The following LRP4 variants were observed in gnomAD, a reference collection of about 807,000 sequenced individuals.
The protein encoded by LRP4 is low-density lipoprotein receptor-related protein 4.
Under a neutral mutation model 220.3 loss-of-function variants are expected in LRP4, and 95 were observed. The observed-to-expected ratio is 0.43, with a 90% CI of 0.37 to 0.51. LRP4 has a LOEUF of 0.51. Ranked by LOEUF, LRP4 falls within the 20% of genes least tolerant of loss-of-function variation. LRP4 has a pLI of 0.00. For missense variants in LRP4, 1,925 were observed against 2,567.0 expected, an observed-to-expected ratio of 0.75 and a Z score of 5.40; for synonymous variants, 903 against 954.6, an observed-to-expected ratio of 0.95 and a Z score of 1.00.
chr11:46,886,859 C>T (rs1941304707), intron 16 of LRP4, among the ~76,000 whole-genome samples: 1 of 152,182 alleles, frequency 6.6e-6, no homozygotes, highest in African/African-American at 2.4e-5. Context: ...AACCCCTGAC[C>T]CCTACTTCCC....
chr11:46,876,765 G>T lies in LRP4; in HGVS notation c.3343C>A (p.His1115Asn), dbSNP rs1941032102. 1 of 1,614,014 alleles carries T rather than the reference G, an allele frequency of 6.2e-7. No individual in the cohort carries two copies. The highest frequency in any genetic ancestry group is 1.3e-5 in the African/African-American group (1 of 74,938). ...CCACCTGTGGTGATGATGTCCTCATGCTGTGAGCCATCCAGATTGGCACGA... is the reference window on the plus strand; with the variant it reads ...CCACCTGTGGTGATGATGTCCTCATTCTGTGAGCCATCCAGATTGGCACGA... Reference protein sequence around the residue: ...ISRANLDGSQHEDIITTGLQT... With the variant: ...ISRANLDGSQNEDIITTGLQT... The change falls in exon 24 of 38, where the codon CAT (histidine) becomes AAT (asparagine). Residue 1115 changes from histidine to asparagine, a missense_variant. Transcript: ENST00000378623.
In LRP4 at chr11:46,886,491, C is replaced by T. The variant is rs1188192419; in HGVS notation, c.2258G>A (p.Arg753His). 4 of 1,613,996 alleles carry T rather than the reference C, an allele frequency of 2.5e-6. No individual in the cohort carries two copies. In the Admixed American group the frequency reaches 5.0e-5, roughly 20 times the overall value. ...FLLFARRMDI[R>H]RISFDTEDLS... Reference sequence around the variant, plus strand: ...GTCCTCTGTGTCAAAGCTGATTCGACGGATGTCCATCCTTCGGGCAAAAAG... The same window carrying T: ...GTCCTCTGTGTCAAAGCTGATTCGATGGATGTCCATCCTTCGGGCAAAAAG... Residue 753 changes from arginine to histidine, a missense_variant, in exon 17 of 38, where the codon CGT becomes CAT. By Grantham distance (29) the Arg-to-His change is conservative. Around this residue, in one of 3 missense-constraint regions of LRP4, gnomAD observed 1,244 missense variants for 1,624.9 expected, o/e 0.77. Transcript: ENST00000378623.
At chr11:46,884,916 T>C (rs1941251096) in intron 18 of LRP4, among the ~76,000 whole-genome samples, 1 of 151,804 alleles carries the variant, frequency 6.6e-6, no homozygotes, top group South Asian at 2.1e-4. Context: ...CATCTCAAAA[T>C]TTAAAAAAGA....
At position 46,873,144 on chromosome 11, in the gene LRP4, G is replaced by C. The variant is rs1940914216; in HGVS notation, c.4539C>G (p.Asp1513Glu). Reference sequence around the variant, plus strand: ...GGGTAAGGCCATTGGGCCAACCCAGGTCTGTGTTGATGAGGACCTTCCGCT... The same window carrying C: ...GGGTAAGGCCATTGGGCCAACCCAGCTCTGTGTTGATGAGGACCTTCCGCT... ...GSERKVLINT[D>E]LGWPNGLTLD... Residue 1513 changes from aspartate to glutamate, a missense_variant, in exon 30 of 38, where the codon GAC becomes GAG. Transcript: ENST00000378623. This position sits in a 1 kb window ranked among gnomAD's most constrained non-coding sequence, Gnocchi z 4.2. 1.2e-6 allele frequency: 2 copies of C among 1,614,188 alleles called. No individual in the cohort carries two copies. The highest frequency in any genetic ancestry group is 4.5e-5 in the East Asian group (2 of 44,886).
chr11:46,884,114 A>G, intron 18 of LRP4, 138 bp from the exon 19 acceptor site: 1 of 703,558 alleles, frequency 1.4e-6, no homozygotes, highest in Non-Finnish European at 2.6e-6. Context: ...CAGATGCACA[A>G]CGGAAATTTA....
intron 2 of LRP4, among the ~76,000 whole-genome samples, chr11:46,901,618 G>A (rs988047617): frequency 1.3e-5 from 2 of 152,256 alleles, no homozygotes; most frequent in South Asian, 2.1e-4. Context: ...CAGAGATTGC[G>A]CCTCTAATCC....
At chr11:46,897,217 T>C (rs1941551660) in intron 7 of LRP4, among the ~76,000 whole-genome samples, 1 of 152,222 alleles carries the variant, frequency 6.6e-6, no homozygotes, top group Non-Finnish European at 1.5e-5. Flanking sequence ...ATAAATCTAT[T>C]ATGTGACTGG....
chr11:46,876,123 T>G (rs1475533747), intron 25 of LRP4, among the ~76,000 whole-genome samples, 157 bp from the exon 26 acceptor site: 1 of 152,218 alleles, frequency 6.6e-6, no homozygotes, highest in Non-Finnish European at 1.5e-5. Context: ...TTCATGTGCA[T>G]TATCTCAACC....
intron 1 of LRP4, among the ~76,000 whole-genome samples, chr11:46,913,390 C>A (rs74985897): frequency 0.02 from 3,037 of 152,188 alleles, 97 homozygotes; most frequent in African/African-American, 0.07. Flanking sequence ...ATCACTGGCA[C>A]CAACTTAAAA....
intron 36 of LRP4, among the ~76,000 whole-genome samples, chr11:46,863,584 CA>C (rs55744712): frequency 0.037 from 1,998 of 54,132 alleles, 22 homozygotes; most frequent in East Asian, 0.13. Context: ...ACTAAAAATA[CA>C]AAAAAAAAAA....
At chr11:46,881,628 T>C (rs756743945) in intron 20 of LRP4, 74 bp downstream of exon 20, 3 of 1,436,988 alleles carry the variant, frequency 2.1e-6, no homozygotes, top group Non-Finnish European at 2.9e-6. Flanking sequence ...CAAAAAGTAC[T>C]GTCCTGGAGG....
At chr11:46,909,590 C>T (rs561685480) in intron 1 of LRP4, among the ~76,000 whole-genome samples, 2,116 of 97,502 alleles carry the variant, frequency 0.022, 83 homozygotes, top group African/African-American at 0.082. Context: ...CCGGCCTGGG[C>T]GACAGAGCGA....
Position 46,875,801 on chromosome 11 carries a change from C to G in LRP4, c.3699+3G>C, listed in dbSNP as rs1442885513. 4 of 1,614,124 alleles carry G rather than the reference C, an allele frequency of 2.5e-6. No homozygotes were observed. The highest frequency in any genetic ancestry group is 3.4e-6 in the Non-Finnish European group (4 of 1,180,028). The stretch of plus-strand genomic sequence containing the variant: ...TGGGAAGCAGCAGGGACACGGCTCT[C>G]ACCTCGGTGTGGGCATCGGCCCATA... On this transcript the variant is annotated splice_donor_region_variant and intron_variant, in intron 26 of 37. Coordinates refer to ENST00000378623, the MANE Select transcript of LRP4 (RefSeq NM_002334.4). This position sits in a 1 kb window ranked among gnomAD's most constrained non-coding sequence, Gnocchi z 4.5.
Position 46,890,708 on chromosome 11 carries a change from CAGA to C in LRP4, c.1698-217_1698-215del, listed in dbSNP as rs1941403487. ...CACTGCGGCCTCAATCTCCTGGGCT[CAGA>C]AGGCCTCCCACTTCAGCCTTCTGAG... On this transcript the variant is annotated intron_variant, in intron 13 of 37. Coordinates refer to ENST00000378623, the MANE Select transcript of LRP4 (RefSeq NM_002334.4). This position sits in a 1 kb window ranked among gnomAD's most constrained non-coding sequence, Gnocchi z 5.3. Among the ~76,000 whole-genome samples the C allele has an allele frequency of 6.6e-6, 1 of 152,010 alleles. No individual in the cohort carries two copies.
chr11:46,899,905 CGCAGT>C lies in LRP4; in HGVS notation c.383_387del (p.His128ArgfsTer3). 1 of 1,614,006 alleles carries C rather than the reference CGCAGT, an allele frequency of 6.2e-7. No homozygotes were observed. Among genetic ancestry groups the C allele is most frequent in the Non-Finnish European group, 8.5e-7 (1 of 1,180,036 alleles). On this transcript the variant is annotated frameshift_variant, in exon 4 of 38. Coordinates refer to ENST00000378623, the MANE Select transcript of LRP4 (RefSeq NM_002334.4). LOFTEE classifies it high-confidence loss of function. This position sits in a 1 kb window ranked among gnomAD's most constrained non-coding sequence, Gnocchi z 5.9. Reference sequence around the variant, plus strand: ...TTGTCGCCACAGTCATTGTCACCATCGCAGTGCCACAGACTCCGGATGCAGTAGCC... The same window carrying C: ...TTGTCGCCACAGTCATTGTCACCATCGCCACAGACTCCGGATGCAGTAGCC...
rs754589577 is a variant in LRP4, at chr11:46,876,482, G to A, written c.3520C>T (p.Leu1174=). ...AGCTCTCACCCCATCTCATGGTACA[G>A]TACGATGGCCCGGGGACTGTCAAGG... ...QNLDSPRAIV[L]YHEMGFMYWT... Residue 1174 remains leucine, a synonymous_variant, in exon 25 of 38, where the codon CTG becomes TTG. Transcript: ENST00000378623. The A allele has an allele frequency of 6.2e-7, 1 of 1,614,172 alleles. No homozygotes were observed. Among genetic ancestry groups the A allele is most frequent in the South Asian group, 1.1e-5 (1 of 91,070 alleles).
At chr11:46,904,695 A>G (rs7930852) in intron 1 of LRP4, among the ~76,000 whole-genome samples, 149,493 of 152,240 alleles carry the variant, frequency 0.98, 73,417 homozygotes, top group East Asian at 1. Context: ...TGGGCTGGGC[A>G]CGGTGGCTCA....
intron 2 of LRP4, among the ~76,000 whole-genome samples, chr11:46,900,809 C>CA (rs1431560798): frequency 5.6e-5 from 8 of 143,810 alleles, no homozygotes; most frequent in Non-Finnish European, 1.2e-4. Context: ...TTTTTTGAAA[C>CA]AGAGTCTGAC....
Position 46,890,689 on chromosome 11 carries a change from G to C in LRP4, c.1698-195C>G, listed in dbSNP as rs1374672266. ...GGCAGGTGAGATTACAGCTCACTGC[G>C]GCCTCAATCTCCTGGGCTCAGAAGG... On this transcript the variant is annotated intron_variant, in intron 13 of 37. Transcript: ENST00000378623. This position sits in a 1 kb window ranked among gnomAD's most constrained non-coding sequence, Gnocchi z 5.3. 6.6e-6 allele frequency among the ~76,000 whole-genome samples: 1 copy of C among 151,800 alleles called. No homozygotes were observed. Among genetic ancestry groups the C allele is most frequent in the Non-Finnish European group, 1.5e-5 (1 of 67,950 alleles).
Sources: allele counts gnomAD v4.1 joint callset (sites outside exome capture counted in the v4.1 genomes callset), GRCh38; gene constraint gnomAD v4.1.1; regional missense constraint gnomAD v4.1.1; non-coding constraint Gnocchi (gnomAD v3.1); transcripts MANE v1.5; gene names NCBI Gene and HGNC (gene_info 2026-07-23, HGNC 2026-07-21).